TRIO: variants seen among roughly 807,000 people sequenced by gnomAD.
TRIO encodes the protein triple functional domain protein.
TRIO carries 58 observed loss-of-function variants against 351.9 expected under a neutral mutation model. The observed-to-expected ratio is 0.16, with a 90% confidence interval of 0.13 to 0.21. The LOEUF (loss-of-function observed/expected upper bound fraction) is 0.21, where lower values mean the gene tolerates loss of function less well. Among genes scored for constraint, TRIO ranks in the 10% least tolerant of loss-of-function variants. The pLI is 1.00. For synonymous variants in TRIO, 1,758 were observed against 1,595.7 expected, an observed-to-expected ratio of 1.10 and a Z score of -2.42; for missense variants, 3,201 against 4,027.8, an observed-to-expected ratio of 0.79 and a Z score of 5.56.
intron 1 of TRIO, among the ~76,000 whole-genome samples, chr5:14,219,079 G>T (rs1297928605): frequency 6.6e-6 from 1 of 152,198 alleles, no homozygotes; most frequent in Non-Finnish European, 1.5e-5. Flanking sequence ...GACAAGGCTA[G>T]TGTGGTGGTG....
intron 37 of TRIO, 70 bp downstream of exon 37, chr5:14,465,710 C>G: frequency 1.3e-6 from 2 of 1,544,188 alleles, no homozygotes; most frequent in Non-Finnish European, 1.8e-6. Flanking sequence ...TGGATTTGCC[C>G]TTGTCTTTGT....
At chr5:14,213,588 A>G (rs959056606) in intron 1 of TRIO, among the ~76,000 whole-genome samples, 1 of 152,186 alleles carries the variant, frequency 6.6e-6, no homozygotes, top group Non-Finnish European at 1.5e-5. Flanking sequence ...TGGGAAAAGT[A>G]TTTCTATAAA....
At position 14,488,115 on chromosome 5, in the gene TRIO, G is replaced by T. The variant is rs375694147; in HGVS notation, c.7487G>T (p.Arg2496Leu). The change falls in exon 48 of 57, where the codon CGA becomes CTA. Residue 2496 changes from arginine (R) to leucine (L), a missense_variant. This residue lies in a region of TRIO where 1,089 missense variants were observed against 954.9 expected (regional missense o/e 1.14). Transcript: ENST00000344204. ...WSSIPASPAS[R>L]PGSFTFPGDS... ...TCCATCCCCGCCTCCCCCGCCAGCC[G>T]ACCCGGCTCCTTCACCTTCCCGGGG... The T allele has an allele frequency of 4.8e-5, 78 of 1,609,340 alleles. No individual in the cohort carries two copies. Among genetic ancestry groups the T allele is most frequent in the Non-Finnish European group, 6.3e-5 (74 of 1,179,214 alleles).
intron 1 of TRIO, among the ~76,000 whole-genome samples, chr5:14,207,769 A>G: frequency 6.6e-6 from 1 of 152,200 alleles, no homozygotes; most frequent in East Asian, 1.9e-4. Context: ...AAATATTTGT[A>G]AATCATATAT....
Position 14,508,264 on chromosome 5 carries a change from C to T in TRIO, c.9136C>T (p.Gln3046Ter). 6.2e-7 allele frequency: 1 copy of T among 1,613,964 alleles called. No homozygotes were observed. Residue 3046 changes from glutamine (Q) to a stop codon, truncating the protein, a stop_gained, in exon 57 of 57, where the codon CAG becomes TAG. Transcript: ENST00000344204. LOFTEE classifies it high-confidence loss of function. ...GCGTCCCTCGGCTGCGCTGGCCCTC[C>T]AGGAGCAGTGGCTGCAGGCCGGCAA... The part of the protein sequence containing the change: ...AKRPSAALAL[Q>*]EQWLQAGNGR...
At chr5:14,492,461 G>T in intron 48 of TRIO, 106 bp from the exon 49 acceptor site, 1 of 1,506,054 alleles carries the variant, frequency 6.6e-7, no homozygotes, top group Non-Finnish European at 9.0e-7. Context: ...GGTGAGCCCT[G>T]CACGGGGTCA....
intron 11 of TRIO, among the ~76,000 whole-genome samples, chr5:14,339,488 GTGGTTCACTTTTA>G (rs1391750827): frequency 6.6e-6 from 1 of 152,222 alleles, no homozygotes; most frequent in African/African-American, 2.4e-5. Flanking sequence ...TAAGGACTAA[GTGGTTCACTTTTA>G]TGACTGCAGG....
chr5:14,144,465 C>T (rs1787371951), intron 1 of TRIO, among the ~76,000 whole-genome samples: 1 of 152,136 alleles, frequency 6.6e-6, no homozygotes, highest in African/African-American at 2.4e-5. Flanking sequence ...GGGGCAGTCA[C>T]GGCACTCACT....
At chr5:14,353,777 A>G (rs1474488125) in intron 11 of TRIO, among the ~76,000 whole-genome samples, 1 of 152,208 alleles carries the variant, frequency 6.6e-6, no homozygotes, top group African/African-American at 2.4e-5. Flanking sequence ...TTATGGAAGA[A>G]GCACTAATAG....
intron 2 of TRIO, among the ~76,000 whole-genome samples, chr5:14,277,033 A>G (rs978340773): frequency 2.6e-5 from 4 of 152,194 alleles, no homozygotes; most frequent in African/African-American, 9.7e-5. Context: ...CTGATACCTG[A>G]TAGGAGGTAT....
intron 43 of TRIO, 92 bp downstream of exon 43, chr5:14,480,103 G>A (rs1755401462): frequency 2.6e-6 from 3 of 1,172,228 alleles, no homozygotes; most frequent in Non-Finnish European, 2.5e-6. Flanking sequence ...GGTAGGACAG[G>A]GGAATCATCT....
chr5:14,229,089 A>G (rs569176505), intron 1 of TRIO, among the ~76,000 whole-genome samples: 24 of 152,322 alleles, frequency 1.6e-4, no homozygotes, highest in East Asian at 3.9e-4. Context: ...TGATTATGAT[A>G]TATATAGATT....
At chr5:14,192,989 T>C (rs1344776702) in intron 1 of TRIO, among the ~76,000 whole-genome samples, 3 of 152,348 alleles carry the variant, frequency 2.0e-5, no homozygotes, top group Admixed American at 1.3e-4. Flanking sequence ...AAACGATATT[T>C]TAGAAAGCTT....
At chr5:14,206,623 C>T (rs906217495) in intron 1 of TRIO, among the ~76,000 whole-genome samples, 6 of 152,198 alleles carry the variant, frequency 3.9e-5, no homozygotes, top group African/African-American at 1.2e-4. Context: ...TGCTGCCTTG[C>T]TCCTGAAATT....
In TRIO at chr5:14,258,005, G is replaced by A. The variant is rs114820595; in HGVS notation, c.158-12820G>A. Among the ~76,000 whole-genome samples the A allele has an allele frequency of 6.2e-3, 943 of 152,314 alleles. 10 individuals carry two copies. Among genetic ancestry groups the A allele is most frequent in the African/African-American group, 0.021 (890 of 41,558 alleles). On this transcript the variant is annotated intron_variant, in intron 1 of 56. Transcript: ENST00000344204. ...CTGTCCATTTCACAGACGAGGAAGCGAAGCTTTGGAGAGACTAGGTAACTG... is the reference window on the plus strand; with the variant it reads ...CTGTCCATTTCACAGACGAGGAAGCAAAGCTTTGGAGAGACTAGGTAACTG...
At chr5:14,395,748 GTAGTAATTAT>G (rs1427813625) in intron 28 of TRIO, among the ~76,000 whole-genome samples, 1 of 152,162 alleles carries the variant, frequency 6.6e-6, no homozygotes, top group Non-Finnish European at 1.5e-5. Flanking sequence ...TTACTGACTG[GTAGTAATTAT>G]TAATACACCA....
intron 32 of TRIO, 55 bp downstream of exon 32, chr5:14,406,045 G>A (rs989424947): frequency 3.7e-5 from 58 of 1,588,346 alleles, no homozygotes; most frequent in African/African-American, 1.1e-4. Flanking sequence ...GGGGCGAGGC[G>A]GTGTTAGCTC....
At chr5:14,233,388 G>T (rs1793579802) in intron 1 of TRIO, among the ~76,000 whole-genome samples, 1 of 151,496 alleles carries the variant, frequency 6.6e-6, no homozygotes, top group African/African-American at 2.4e-5. Flanking sequence ...TACTTGGGAG[G>T]CTGAAGTGGG....
chr5:14,286,877 G>A lies in TRIO; in HGVS notation c.354G>A (p.Glu118=), dbSNP rs1192030498. Residue 118 remains glutamate, a synonymous_variant, in exon 4 of 57, where the codon GAG becomes GAA. Transcript: ENST00000344204. The surrounding 1 kb of genome is among the most constrained non-coding windows in gnomAD (Gnocchi z 4.4). Reference sequence around the variant, plus strand: ...ATGTTTTCTTTCTCTGCAGCGAGGAGGTCTGCAAGCGTGGCTTCACGGTGA... The same window carrying A: ...ATGTTTTCTTTCTCTGCAGCGAGGAAGTCTGCAAGCGTGGCTTCACGGTGA... ...ISYLACIPSE[E]VCKRGFTVIV... 2 of 1,612,608 alleles carry A rather than the reference G, an allele frequency of 1.2e-6. No homozygotes were observed. The highest frequency in any genetic ancestry group is 1.7e-6 in the Non-Finnish European group (2 of 1,179,280).
Sources: gnomAD v4.1 joint callset for allele counts (sites outside exome capture counted in the v4.1 genomes callset) on GRCh38, gnomAD v4.1.1 for gene constraint, gnomAD v4.1.1 regional missense constraint, Gnocchi (gnomAD v3.1) non-coding constraint, MANE v1.5 for transcripts, NCBI Gene and HGNC (gene_info 2026-07-23, HGNC 2026-07-21) for gene names.